Variants in PHF21A observed in about 807,000 individuals in gnomAD.
PHF21A encodes PHD finger protein 21A.
Under a neutral mutation model 82.5 loss-of-function variants are expected in PHF21A, and 11 were observed. The ratio of observed to expected loss-of-function variants is 0.13; its 90% CI spans 0.08 to 0.22. The LOEUF is 0.22. Among genes scored for constraint, PHF21A ranks in the 10% least tolerant of loss-of-function variants. The probability of loss-of-function intolerance (pLI) is 1.00; values close to 1 mark genes in which losing one functional copy is unlikely to be tolerated. For missense variants in PHF21A, 579 were observed against 837.8 expected, an observed-to-expected ratio of 0.69 and a Z score of 3.81; for synonymous variants, 297 against 302.8, an observed-to-expected ratio of 0.98 and a Z score of 0.20.
intron 1 of PHF21A, among the ~76,000 whole-genome samples, chr11:46,106,837 G>A (rs950200517): frequency 6.6e-6 from 1 of 152,214 alleles, no homozygotes; most frequent in Non-Finnish European, 1.5e-5. Context: ...GGTCAACTCT[G>A]AGGAAAACAA....
chr11:46,025,528 T>C (rs1448557968), intron 6 of PHF21A, among the ~76,000 whole-genome samples: 3 of 152,184 alleles, frequency 2.0e-5, no homozygotes, highest in Non-Finnish European at 4.4e-5. Flanking sequence ...AAAAGAAAAA[T>C]TCCTTTACCT....
chr11:46,002,249 T>A (rs1441349564), intron 6 of PHF21A, among the ~76,000 whole-genome samples: 1 of 152,222 alleles, frequency 6.6e-6, no homozygotes, highest in Non-Finnish European at 1.5e-5. Flanking sequence ...TAGGTTTTAA[T>A]GGTGGGTTGA....
At chr11:45,944,601 C>T (rs1482940361) in intron 15 of PHF21A, among the ~76,000 whole-genome samples, 1 of 152,176 alleles carries the variant, frequency 6.6e-6, no homozygotes, top group African/African-American at 2.4e-5. Flanking sequence ...GCTATCCTGG[C>T]CCTCTTGCTT....
intron 11 of PHF21A, among the ~76,000 whole-genome samples, chr11:45,952,274 C>T (rs1316308119): frequency 1.3e-5 from 2 of 152,198 alleles, no homozygotes; most frequent in African/African-American, 4.8e-5. Context: ...CTGGGTCTAG[C>T]TCCATCACCT....
intron 6 of PHF21A, among the ~76,000 whole-genome samples, chr11:46,030,739 T>C (rs1341585062): frequency 6.6e-6 from 1 of 152,146 alleles, no homozygotes; most frequent in Non-Finnish European, 1.5e-5. Context: ...CATTCAACTA[T>C]ATTTACTTCA....
At chr11:46,062,330 T>C (rs528108221) in intron 6 of PHF21A, among the ~76,000 whole-genome samples, 1 of 152,300 alleles carries the variant, frequency 6.6e-6, no homozygotes, top group East Asian at 1.9e-4. Context: ...AGAACTTTTA[T>C]TAGCCAGGCA....
At chr11:45,994,313 T>C (rs755699822) in intron 6 of PHF21A, among the ~76,000 whole-genome samples, 10 of 152,188 alleles carry the variant, frequency 6.6e-5, no homozygotes, top group Non-Finnish European at 1.5e-4. Flanking sequence ...CACTAACAGA[T>C]TTATCTTACT....
chr11:46,007,307 T>C (rs904501890), intron 6 of PHF21A, among the ~76,000 whole-genome samples: 8 of 151,948 alleles, frequency 5.3e-5, no homozygotes, highest in African/African-American at 1.7e-4. Context: ...ATCTACCTTT[T>C]TTCTTCTTCT....
chr11:45,942,481 T>G (rs1590996681), intron 15 of PHF21A, among the ~76,000 whole-genome samples: 1 of 152,276 alleles, frequency 6.6e-6, no homozygotes, highest in East Asian at 1.9e-4. Flanking sequence ...TGAGAAAAAG[T>G]TGGGACAATC....
At chr11:45,955,994 G>A (rs117116727) in intron 10 of PHF21A, among the ~76,000 whole-genome samples, 3,784 of 152,312 alleles carry the variant, frequency 0.025, 57 homozygotes, top group Non-Finnish European at 0.04. Context: ...CTAAGTTGCA[G>A]ACCAGAAGGA....
At chr11:45,978,603 G>C (rs556931072) in intron 7 of PHF21A, among the ~76,000 whole-genome samples, 1 of 152,288 alleles carries the variant, frequency 6.6e-6, no homozygotes, top group South Asian at 2.1e-4. Context: ...GGTTGTAAGA[G>C]GTATCCACGC....
intron 8 of PHF21A, chr11:45,970,879 A>G (rs1357503079): frequency 9.8e-6 from 5 of 512,138 alleles, no homozygotes; most frequent in Non-Finnish European, 1.7e-5. Context: ...AAATCAAGTC[A>G]TACTTTGACC....
chr11:46,030,818 TGC>T (rs2095848732), intron 6 of PHF21A, among the ~76,000 whole-genome samples: 1 of 105,004 alleles, frequency 9.5e-6, no homozygotes, highest in Non-Finnish European at 1.9e-5. Flanking sequence ...TGTGTGTGTG[TGC>T]GTGTGTGTGC....
chr11:45,931,673 C>T lies in PHF21A; in HGVS notation c.*2295G>A, dbSNP rs1022380341. ...TGGGTGGGAGAGAAGCTGATAGGAT[C>T]GTTTCTACCTCTCCTAGACTCTGGC... On this transcript the variant is annotated 3_prime_UTR_variant, in exon 19 of 19. Coordinates refer to ENST00000676320, the MANE Select transcript of PHF21A (RefSeq NM_001352027.3). The T allele has an allele frequency of 3.9e-5, 6 of 152,226 alleles. No homozygotes were observed. The highest frequency in any genetic ancestry group is 1.4e-4 in the African/African-American group (6 of 41,444). 9.4% of individuals were successfully genotyped at this position (152,226 alleles called of 1,614,324 possible).
chr11:46,079,272 A>G (rs1184360484), intron 4 of PHF21A, 106 bp from the exon 5 acceptor site: 4 of 720,606 alleles, frequency 5.6e-6, no homozygotes, highest in South Asian at 1.9e-5. Flanking sequence ...CACAAAAAAA[A>G]GAGCAACACC....
chr11:45,988,878 G>A (rs987261661), intron 6 of PHF21A, among the ~76,000 whole-genome samples: 9 of 152,022 alleles, frequency 5.9e-5, no homozygotes, highest in Non-Finnish European at 8.8e-5. Context: ...GTGACAGAGC[G>A]AGACTGTCTT....
chr11:46,054,408 T>C (rs1278655325), intron 6 of PHF21A, among the ~76,000 whole-genome samples: 1 of 152,218 alleles, frequency 6.6e-6, no homozygotes, highest in East Asian at 1.9e-4. Flanking sequence ...TTATCCAATT[T>C]AGTTTGGGCA....
chr11:46,081,691 C>T (rs1287984197), intron 4 of PHF21A, among the ~76,000 whole-genome samples: 1 of 152,218 alleles, frequency 6.6e-6, no homozygotes, highest in East Asian at 1.9e-4. Context: ...TTACTTTCCG[C>T]CAGAATGCGG....
At chr11:46,012,978 G>C (rs2137448524) in intron 6 of PHF21A, among the ~76,000 whole-genome samples, 1 of 152,246 alleles carries the variant, frequency 6.6e-6, no homozygotes, top group South Asian at 2.1e-4. Context: ...CCTTATCCTT[G>C]GGGAGTATGT....
Sources: gnomAD v4.1 joint callset for allele counts (sites outside exome capture counted in the v4.1 genomes callset) on GRCh38, gnomAD v4.1.1 for gene constraint, MANE v1.5 for transcripts, NCBI Gene and HGNC (gene_info 2026-07-23, HGNC 2026-07-21) for gene names.